Variants in XKR9 observed in about 807,000 individuals in gnomAD.
The protein encoded by XKR9 is XK related 9.
A neutral mutation model predicts 32.0 loss-of-function variants in XKR9; 32 were observed. The ratio of observed to expected loss-of-function variants is 1.00; its 90% confidence interval spans 0.76 to 1.34. XKR9 has a LOEUF of 1.34. Among genes scored for constraint, XKR9 ranks in the 40% most tolerant of loss-of-function variants. XKR9 has a pLI of 0.00. For synonymous variants in XKR9, 168 were observed against 143.4 expected, an observed-to-expected ratio of 1.17 and a Z score of -1.22; for missense variants, 546 against 429.7, an observed-to-expected ratio of 1.27 and a Z score of -2.39.
chr8:70,692,766 G>T (rs941586452), intron 3 of XKR9, among the ~76,000 whole-genome samples: 1 of 152,002 alleles, frequency 6.6e-6, no homozygotes, highest in African/African-American at 2.4e-5. Context: ...TTTCAGTAGA[G>T]ACGGGGTTTC....
chr8:70,795,272 C>A (rs774811312), downstream of XKR9, among the ~76,000 whole-genome samples: 2 of 152,036 alleles, frequency 1.3e-5, no homozygotes, highest in Non-Finnish European at 2.9e-5. Flanking sequence ...AGAATAATGG[C>A]CTTCAGCTTC....
At chr8:70,772,293 G>A (rs541197665) in intron 2 of XKR9, among the ~76,000 whole-genome samples, 2 of 152,256 alleles carry the variant, frequency 1.3e-5, no homozygotes, top group Admixed American at 6.5e-5. Flanking sequence ...GCTGATCTCT[G>A]AACAGAAGAT....
At position 70,734,488 on chromosome 8, in the gene XKR9, G is replaced by C. The variant is rs1214614107; in HGVS notation, c.*64G>C. On this transcript the variant is annotated 3_prime_UTR_variant, in exon 5 of 5. Transcript: ENST00000408926. ...TCATTGGTTAGTAAAGAAAATGTGT[G>C]TTATGTGGGTGTGTTGTCTCTTATT... 5.6e-6 allele frequency: 8 copies of C among 1,423,326 alleles called. No individual in the cohort carries two copies. The Admixed American group carries it at 2.0e-4, about 35-fold the overall frequency. The allele number at this position is 1,423,326 out of a possible 1,614,324, so 88.2% of individuals were successfully genotyped here.
At chr8:70,906,820 A>G in the XKR9 span, among the ~76,000 whole-genome samples, 2 of 152,152 alleles carry the variant, frequency 1.3e-5, no homozygotes, top group South Asian at 4.1e-4. Context: ...ATAAATATGT[A>G]AAAAATTTTC....
downstream of XKR9, among the ~76,000 whole-genome samples, chr8:70,790,825 C>T (rs1348534832): frequency 6.6e-6 from 1 of 151,984 alleles, no homozygotes; most frequent in Non-Finnish European, 1.5e-5. Flanking sequence ...ATTTATTGCT[C>T]ACAGTTCTGG....
At chr8:70,698,339 T>C (rs921942144) in intron 3 of XKR9, among the ~76,000 whole-genome samples, 1 of 152,210 alleles carries the variant, frequency 6.6e-6, no homozygotes. Context: ...TAAATTTCCC[T>C]CTACACACTG....
At chr8:70,912,807 A>G in the XKR9 span, among the ~76,000 whole-genome samples, 1 of 152,152 alleles carries the variant, frequency 6.6e-6, no homozygotes, top group African/African-American at 2.4e-5. Flanking sequence ...AGAGGTAGGT[A>G]GTGTCACAGA....
the XKR9 span, among the ~76,000 whole-genome samples, chr8:70,891,019 T>C: frequency 1.3e-5 from 2 of 152,026 alleles, no homozygotes; most frequent in African/African-American, 4.8e-5. Context: ...GGTTCAATCT[T>C]GGCAGTTTGT....
chr8:70,813,738 A>G, the XKR9 span, among the ~76,000 whole-genome samples: 5 of 152,352 alleles, frequency 3.3e-5, no homozygotes, highest in Middle Eastern at 3.4e-3. Flanking sequence ...CAAAACCGCA[A>G]TGAGATACCA....
chr8:70,813,667 A>T, the XKR9 span, among the ~76,000 whole-genome samples: 1 of 152,240 alleles, frequency 6.6e-6, no homozygotes, highest in African/African-American at 2.4e-5. Context: ...GAAGATATTT[A>T]TGCACCCAAA....
intron 3 of XKR9, among the ~76,000 whole-genome samples, chr8:70,695,745 A>G (rs1213585168): frequency 6.6e-6 from 1 of 150,664 alleles, no homozygotes; most frequent in Non-Finnish European, 1.5e-5. Flanking sequence ...TCCCTGAGGA[A>G]TTGCCACACT....
At chr8:70,778,761 G>T (rs1212080214) in intron 2 of XKR9, among the ~76,000 whole-genome samples, 1 of 152,106 alleles carries the variant, frequency 6.6e-6, no homozygotes, top group Non-Finnish European at 1.5e-5. Context: ...TCTGTTATTG[G>T]TGTATAGGGA....
At chr8:71,007,586 TAAAAG>T in the XKR9 span, among the ~76,000 whole-genome samples, 1 of 150,786 alleles carries the variant, frequency 6.6e-6, no homozygotes, top group Admixed American at 6.6e-5. Flanking sequence ...ATATGGAAAA[TAAAAG>T]GGGTCAAAGG....
At chr8:70,890,634 T>C in the XKR9 span, among the ~76,000 whole-genome samples, 2 of 152,060 alleles carry the variant, frequency 1.3e-5, no homozygotes. Context: ...GAACCAGCCT[T>C]GTGTTCCTGG....
chr8:70,840,869 A>G, the XKR9 span, among the ~76,000 whole-genome samples: 1 of 152,208 alleles, frequency 6.6e-6, no homozygotes, highest in Admixed American at 6.5e-5. Context: ...TACTCCCTAA[A>G]AAAATTGAGA....
the XKR9 span, among the ~76,000 whole-genome samples, chr8:70,869,957 G>A: frequency 6.6e-6 from 1 of 152,106 alleles, no homozygotes; most frequent in South Asian, 2.1e-4. Context: ...TATCTGTTTT[G>A]TTTTATCCTC....
the XKR9 span, among the ~76,000 whole-genome samples, chr8:71,034,859 T>C: frequency 3.9e-5 from 6 of 152,182 alleles, no homozygotes; most frequent in Admixed American, 1.3e-4. Flanking sequence ...GGATAGTTTA[T>C]TATATAGAAA....
At chr8:70,854,577 T>A in the XKR9 span, among the ~76,000 whole-genome samples, 1 of 152,204 alleles carries the variant, frequency 6.6e-6, no homozygotes, top group African/African-American at 2.4e-5. Context: ...TTTCGGTGTT[T>A]TAGTCATGAA....
the XKR9 span, among the ~76,000 whole-genome samples, chr8:70,905,781 G>A: frequency 2.6e-4 from 40 of 152,250 alleles, no homozygotes; most frequent in African/African-American, 6.5e-4. Context: ...GGTCTTTGAC[G>A]ATGGTGACGC....
Sources: gnomAD v4.1 joint callset for allele counts (sites outside exome capture counted in the v4.1 genomes callset) on GRCh38, gnomAD v4.1.1 for gene constraint, MANE v1.5 for transcripts, NCBI Gene and HGNC (gene_info 2026-07-23, HGNC 2026-07-21) for gene names.